Variants in BTN1A1 observed in about 807,000 individuals in gnomAD.
The protein encoded by BTN1A1 is bK14H9.2 (butyrophilin, subfamily 1, member A1).
Under a neutral mutation model 33.1 loss-of-function variants are expected in BTN1A1, and 26 were observed. The observed-to-expected ratio is 0.79, with a 90% CI of 0.58 to 1.09. The LOEUF is 1.09. Among genes scored for constraint, BTN1A1 ranks in the 50% least tolerant of loss-of-function variants. The pLI, the probability that BTN1A1 is intolerant of heterozygous loss-of-function variation, is 0.00. For missense variants in BTN1A1, 558 were observed against 655.7 expected, an observed-to-expected ratio of 0.85 and a Z score of 1.63; for synonymous variants, 235 against 256.2, an observed-to-expected ratio of 0.92 and a Z score of 0.79.
In BTN1A1 at chr6:26,501,846, T is replaced by C; in HGVS notation, c.336T>C (p.Arg112=). Residue 112 remains arginine (R), a synonymous_variant, in exon 3 of 8, where the codon CGT becomes CGC. Coordinates refer to ENST00000684113, the MANE Select transcript of BTN1A1 (RefSeq NM_001732.3). The surrounding 1 kb of genome is among the most constrained non-coding windows in gnomAD (Gnocchi z 5.2). ...AGGGGCGCGTGGCCTTGAGGATCCG[T>C]GGCGTCAGAGTCTCTGACGACGGGG... The part of the protein sequence containing the change: ...IAKGRVALRI[R]GVRVSDDGEY... 6.2e-7 allele frequency: 1 copy of C among 1,611,486 alleles called. No homozygotes were observed. The highest frequency in any genetic ancestry group is 8.5e-7 in the Non-Finnish European group (1 of 1,178,252).
rs747345849 is a variant in BTN1A1 at position 26,508,607 on chromosome 6, A to G, written c.1014A>G (p.Thr338=). The G allele has an allele frequency of 3.7e-6, 6 of 1,614,184 alleles. No individual in the cohort carries two copies. The highest frequency in any genetic ancestry group is 2.2e-5 in the South Asian group (2 of 91,064). The stretch of plus-strand genomic sequence containing the variant: ...CACGTCAGAAACTGCCTGAGAAAAC[A>G]GAGAGATTTGACTCCTGGCCCTGTG... ...EDSRQKLPEK[T]ERFDSWPCVL... Residue 338 remains threonine (T), a synonymous_variant, in exon 8 of 8, where the codon ACA becomes ACG. Transcript: ENST00000684113.
At position 26,508,585 on chromosome 6, in the gene BTN1A1, G is replaced by C; in HGVS notation, c.992G>C (p.Arg331Pro). ...AAATCTGTTCGACTGGAAGATTCAC[G>C]TCAGAAACTGCCTGAGAAAACAGAG... ...DSKSVRLEDSRQKLPEKTERF... is the reference protein window; with the variant it reads ...DSKSVRLEDSPQKLPEKTERF... The change falls in exon 8 of 8, where the codon CGT (arginine) becomes CCT (proline). Residue 331 changes from arginine (R) to proline (P), a missense_variant. Physicochemically the swap from Arg to Pro is moderately radical, Grantham distance 103. Transcript: ENST00000684113. 1.9e-6 allele frequency: 3 copies of C among 1,614,170 alleles called. No individual in the cohort carries two copies. The highest frequency in any genetic ancestry group is 2.5e-6 in the Non-Finnish European group (3 of 1,180,038).
intron 3 of BTN1A1, among the ~76,000 whole-genome samples, chr6:26,502,618 A>T (rs1245254861): frequency 6.6e-6 from 1 of 152,262 alleles, no homozygotes; most frequent in African/African-American, 2.4e-5. Flanking sequence ...AATTAAATAC[A>T]TATAAGAGTT....
intron 7 of BTN1A1, 139 bp downstream of exon 7, chr6:26,508,226 C>T: frequency 8.5e-7 from 1 of 1,181,866 alleles, no homozygotes; most frequent in Non-Finnish European, 1.2e-6. Context: ...ATGGCCTCAA[C>T]AGTTTCTGTG....
rs747433841 is a variant in BTN1A1, at chr6:26,501,717, G to C, written c.207G>C (p.Lys69Asn). ...EHLELRWFRK[K>N]VSPAVLVHRD... ...TGGAGCTACGCTGGTTCCGAAAGAAGGTTTCGCCGGCCGTGCTGGTGCATA... is the reference window on the plus strand; with the variant it reads ...TGGAGCTACGCTGGTTCCGAAAGAACGTTTCGCCGGCCGTGCTGGTGCATA... The change falls in exon 3 of 8, where the codon AAG becomes AAC. Residue 69 changes from lysine to asparagine, a missense_variant. Physicochemically the swap from Lys to Asn is moderately conservative, Grantham distance 94. Coordinates refer to ENST00000684113, the MANE Select transcript of BTN1A1 (RefSeq NM_001732.3). This position sits in a 1 kb window ranked among gnomAD's most constrained non-coding sequence, Gnocchi z 5.2. 3.7e-6 allele frequency: 6 copies of C among 1,613,954 alleles called. No individual in the cohort carries two copies. Among genetic ancestry groups the C allele is most frequent in the Admixed American group, 3.3e-5 (2 of 60,012 alleles).
In BTN1A1 at chr6:26,501,403, T is replaced by C. The variant is rs1763796232; in HGVS notation, c.79+38T>C. 1 of 1,594,014 alleles carries C rather than the reference T, an allele frequency of 6.3e-7. No homozygotes were observed. Among genetic ancestry groups the C allele is most frequent in the East Asian group, 2.2e-5 (1 of 44,770 alleles). On this transcript the variant is annotated intron_variant, in intron 2 of 7. Coordinates refer to ENST00000684113, the MANE Select transcript of BTN1A1 (RefSeq NM_001732.3). This position sits in a 1 kb window ranked among gnomAD's most constrained non-coding sequence, Gnocchi z 5.2. ...CTCTCTCTGGGCTGCATAGTTGAAA[T>C]ATATCAATAAATGTAAAATAAACAA...
intron 4 of BTN1A1, among the ~76,000 whole-genome samples, chr6:26,506,248 C>G (rs1317459177): frequency 6.6e-6 from 1 of 152,130 alleles, no homozygotes; most frequent in Non-Finnish European, 1.5e-5. Flanking sequence ...AGAAAATCCT[C>G]TCATTATTCC....
In BTN1A1 at chr6:26,509,211, C is replaced by G; in HGVS notation, c.*37C>G. 1 of 1,531,362 alleles carries G rather than the reference C, an allele frequency of 6.5e-7. No homozygotes were observed. The highest frequency in any genetic ancestry group is 2.3e-5 in the East Asian group (1 of 44,368). The allele number at this position is 1,531,362 out of a possible 1,614,324, so 94.9% of individuals were successfully genotyped here. Reference sequence around the variant, plus strand: ...GCTCATCTGTTTTCCTTTCCTCTAACCCCTCTCCTCCATAGCCTTCTGAGG... The same window carrying G: ...GCTCATCTGTTTTCCTTTCCTCTAAGCCCTCTCCTCCATAGCCTTCTGAGG... On this transcript the variant is annotated 3_prime_UTR_variant, in exon 8 of 8. Transcript: ENST00000684113.
intron 4 of BTN1A1, among the ~76,000 whole-genome samples, chr6:26,506,117 G>A (rs1763866797): frequency 9.0e-6 from 1 of 110,724 alleles, no homozygotes; most frequent in South Asian, 3.3e-4. Context: ...GAGCGAGACT[G>A]CATCTCAAAA....
Position 26,501,869 on chromosome 6 carries a change from G to C in BTN1A1, c.359G>C (p.Gly120Ala). ...CGTGGCGTCAGAGTCTCTGACGACG[G>C]GGAGTACACGTGCTTTTTCAGGGAG... ...RIRGVRVSDD[G>A]EYTCFFREDG... The change falls in exon 3 of 8, where the codon GGG becomes GCG. Residue 120 changes from glycine to alanine, a missense_variant. Physicochemically the swap from Gly to Ala is moderately conservative, Grantham distance 60. Coordinates refer to ENST00000684113, the MANE Select transcript of BTN1A1 (RefSeq NM_001732.3). The surrounding 1 kb of genome is among the most constrained non-coding windows in gnomAD (Gnocchi z 5.2). The C allele has an allele frequency of 6.2e-7, 1 of 1,608,004 alleles. No individual in the cohort carries two copies. The highest frequency in any genetic ancestry group is 8.5e-7 in the Non-Finnish European group (1 of 1,175,610).
chr6:26,502,062 A>G, intron 3 of BTN1A1, 125 bp downstream of exon 3: 1 of 1,329,986 alleles, frequency 7.5e-7, no homozygotes, highest in Non-Finnish European at 9.7e-7. Flanking sequence ...GTCGCCGGGG[A>G]GGGACGACTA....
In BTN1A1 at chr6:26,501,498, C is replaced by A. The variant is rs867173050; in HGVS notation, c.80-92C>A. ...CTCAGCTGTCAAAGGAGTAAGAGAG[C>A]GCGGGGCACTGCGCTTTGGCGGGAA... On this transcript the variant is annotated intron_variant, in intron 2 of 7. Transcript: ENST00000684113. This position sits in a 1 kb window ranked among gnomAD's most constrained non-coding sequence, Gnocchi z 5.2. The A allele has an allele frequency of 2.7e-5, 42 of 1,582,792 alleles. 2 individuals are homozygous for A. In the Middle Eastern group the frequency reaches 1.0e-3, roughly 38 times the overall value.
At chr6:26,506,572 G>A (rs1763872568) in intron 4 of BTN1A1, 111 bp from the exon 5 acceptor site, 1 of 1,148,684 alleles carries the variant, frequency 8.7e-7, no homozygotes, top group Non-Finnish European at 1.3e-6. Flanking sequence ...CTATATGAGG[G>A]ATGAGAGTGG....
chr6:26,504,891 G>A (rs747742824), intron 3 of BTN1A1, 34 bp from the exon 4 acceptor site: 7 of 1,601,220 alleles, frequency 4.4e-6, no homozygotes, highest in African/African-American at 1.3e-5. Flanking sequence ...AAAGGGGTCC[G>A]CTAAAACATT....
intron 3 of BTN1A1, among the ~76,000 whole-genome samples, chr6:26,503,647 A>G (rs1763831514): frequency 6.7e-6 from 1 of 148,828 alleles, no homozygotes; most frequent in Non-Finnish European, 1.5e-5. Context: ...ATCTAAATCT[A>G]TATGCATATA....
chr6:26,507,018 C>T (rs563981943), intron 5 of BTN1A1, among the ~76,000 whole-genome samples, 186 bp downstream of exon 5: 20 of 152,182 alleles, frequency 1.3e-4, no homozygotes, highest in African/African-American at 4.6e-4. Context: ...GTCAGGAGTT[C>T]GAGATCAGCC....
At chr6:26,506,629 C>G (rs1388920358) in intron 4 of BTN1A1, 54 bp from the exon 5 acceptor site, 2 of 1,587,190 alleles carry the variant, frequency 1.3e-6, no homozygotes, top group Admixed American at 1.7e-5. Context: ...TGGAGAAAAG[C>G]TGGACTTGCT....
At chr6:26,507,895 C>A in intron 5 of BTN1A1, 55 bp from the exon 6 acceptor site, 1 of 1,593,504 alleles carries the variant, frequency 6.3e-7, no homozygotes, top group Non-Finnish European at 8.6e-7. Context: ...GAGTTTTGTC[C>A]CCTCCTTTAC....
intron 3 of BTN1A1, among the ~76,000 whole-genome samples, chr6:26,502,558 A>G (rs1366241852): frequency 1.3e-5 from 2 of 152,232 alleles, no homozygotes; most frequent in Non-Finnish European, 2.9e-5. Flanking sequence ...CTTTATTTCA[A>G]TTATCTCCAG....
Sources: allele counts gnomAD v4.1 joint callset (sites outside exome capture counted in the v4.1 genomes callset), GRCh38; gene constraint gnomAD v4.1.1; non-coding constraint Gnocchi (gnomAD v3.1); transcripts MANE v1.5; gene names NCBI Gene and HGNC (gene_info 2026-07-23, HGNC 2026-07-21).